Variants in TMTC1 observed in about 807,000 individuals in gnomAD.
The protein encoded by TMTC1 is protein O-mannosyl-transferase TMTC1.
Under a neutral mutation model 104.8 loss-of-function variants are expected in TMTC1, and 73 were observed. The observed-to-expected ratio is 0.70, with a 90% CI of 0.58 to 0.85. The LOEUF is 0.85. TMTC1 is among the 40% of genes least tolerant of loss of function. The pLI, the probability that TMTC1 is intolerant of heterozygous loss-of-function variation, is 0.00. For synonymous variants in TMTC1, 434 were observed against 428.7 expected (o/e 1.01, Z -0.15); for missense variants, 1,035 against 1,096.1 (o/e 0.94, Z 0.79).
intron 6 of TMTC1, among the ~76,000 whole-genome samples, chr12:29,623,620 C>T (rs1296968390): frequency 6.6e-6 from 1 of 152,152 alleles, no homozygotes; most frequent in Non-Finnish European, 1.5e-5. Context: ...TGAGACAAGC[C>T]TGGCCAACTT....
At chr12:29,752,695 T>A (rs187370952) in intron 4 of TMTC1, among the ~76,000 whole-genome samples, 2 of 151,880 alleles carry the variant, frequency 1.3e-5, no homozygotes, top group East Asian at 3.9e-4. Context: ...ATATCAACAC[T>A]GATATATCTC....
chr12:29,703,922 C>T (rs926807070), intron 5 of TMTC1, among the ~76,000 whole-genome samples: 1 of 152,202 alleles, frequency 6.6e-6, no homozygotes, highest in African/African-American at 2.4e-5. Context: ...CAAATCTCAT[C>T]TTGAATTGTA....
chr12:29,556,215 T>A (rs575755615), intron 10 of TMTC1, among the ~76,000 whole-genome samples: 60 of 151,960 alleles, frequency 3.9e-4, no homozygotes, highest in African/African-American at 1.4e-3. Flanking sequence ...ACTATCAACC[T>A]TTATCAGGGC....
At chr12:29,694,571 C>T (rs915943718) in intron 5 of TMTC1, among the ~76,000 whole-genome samples, 12 of 151,036 alleles carry the variant, frequency 7.9e-5, no homozygotes, top group Admixed American at 5.3e-4. Context: ...GTGAAATCCA[C>T]GGATATGGAA....
At chr12:29,748,048 A>T (rs1207890696) in intron 5 of TMTC1, among the ~76,000 whole-genome samples, 1 of 152,210 alleles carries the variant, frequency 6.6e-6, no homozygotes, top group African/African-American at 2.4e-5. Flanking sequence ...ACAGTAATCA[A>T]ATATATACTC....
intron 8 of TMTC1, among the ~76,000 whole-genome samples, chr12:29,577,195 A>G (rs1945848483): frequency 6.6e-6 from 1 of 152,120 alleles, no homozygotes; most frequent in Admixed American, 6.5e-5. Context: ...TTAACCTGTT[A>G]GGGGAGCCAG....
At chr12:29,600,119 T>TAA (rs576864128) in intron 7 of TMTC1, among the ~76,000 whole-genome samples, 15 of 139,928 alleles carry the variant, frequency 1.1e-4, no homozygotes, top group Admixed American at 5.0e-4. Context: ...ATTCCTGGGT[T>TAA]AAAAAAAAAA....
At chr12:29,695,793 T>A (rs12810215) in intron 5 of TMTC1, among the ~76,000 whole-genome samples, 7,327 of 82,522 alleles carry the variant, frequency 0.089, 437 homozygotes, top group Middle Eastern at 0.15. Flanking sequence ...TACTTCCTTT[T>A]TATATATATA....
intron 5 of TMTC1, among the ~76,000 whole-genome samples, chr12:29,659,378 A>G (rs2136636007): frequency 6.6e-6 from 1 of 152,252 alleles, no homozygotes; most frequent in Admixed American, 6.5e-5. Context: ...CCTTGGAGGT[A>G]AGTTCTTGCT....
chr12:29,710,899 TATATTAATAATATATAA>T (rs1310435356), intron 5 of TMTC1, among the ~76,000 whole-genome samples: 7 of 63,706 alleles, frequency 1.1e-4, no homozygotes, highest in African/African-American at 4.4e-4. Context: ...AATATATAAA[TATATTAATAATATATAA>T]ATATATATAA....
chr12:29,600,766 C>T (rs1298746590), intron 7 of TMTC1, among the ~76,000 whole-genome samples: 1 of 152,152 alleles, frequency 6.6e-6, no homozygotes, highest in Admixed American at 6.6e-5. Context: ...TCCGGTGGCT[C>T]TGGCATCTGC....
chr12:29,610,159 C>A (rs770891791), intron 6 of TMTC1, among the ~76,000 whole-genome samples: 1 of 152,146 alleles, frequency 6.6e-6, no homozygotes, highest in Non-Finnish European at 1.5e-5. Context: ...GATTGACCAG[C>A]GAGTGAAAAC....
intron 7 of TMTC1, among the ~76,000 whole-genome samples, chr12:29,594,320 C>T (rs1488913157): frequency 1.3e-5 from 2 of 152,238 alleles, no homozygotes; most frequent in Non-Finnish European, 2.9e-5. Flanking sequence ...GAAGCAAAGG[C>T]ATACTGGGTA....
intron 9 of TMTC1, among the ~76,000 whole-genome samples, chr12:29,562,554 T>G (rs1945403213): frequency 6.6e-6 from 1 of 152,210 alleles, no homozygotes; most frequent in Non-Finnish European, 1.5e-5. Flanking sequence ...TCTCAGAGGC[T>G]TGGGGTGAAC....
chr12:29,513,926 A>G (rs1943910548), intron 16 of TMTC1, among the ~76,000 whole-genome samples: 1 of 152,180 alleles, frequency 6.6e-6, no homozygotes, highest in South Asian at 2.1e-4. Context: ...GACGGACCTA[A>G]TAATACAATG....
intron 4 of TMTC1, among the ~76,000 whole-genome samples, chr12:29,754,208 G>A (rs17734907): frequency 0.017 from 2,531 of 150,354 alleles, 43 homozygotes; most frequent in Middle Eastern, 0.084. Flanking sequence ...CCCAGACTGA[G>A]CTGCGGGACT....
intron 5 of TMTC1, among the ~76,000 whole-genome samples, chr12:29,679,238 T>A (rs2136707952): frequency 6.6e-6 from 1 of 152,250 alleles, no homozygotes; most frequent in Middle Eastern, 3.4e-3. Context: ...AATGTATATA[T>A]GTACAACAAC....
rs200880449 is a variant in TMTC1, at chr12:29,514,540, A to C, written c.2372T>G (p.Leu791Arg). Residue 791 changes from leucine (L) to arginine (R), a missense_variant, in exon 16 of 18, where the codon CTT becomes CGT. By Grantham distance (102) the Leu-to-Arg change is moderately radical (BLOSUM62 -2). Transcript: ENST00000539277. ...KPKDPKVISELFFTKGNQLRE... is the reference protein window; with the variant it reads ...KPKDPKVISERFFTKGNQLRE... ...TAATTGGTTTCCTTTTGTGAAAAAAAGTTCAGAAATGACTTTTGGGTCCTT... is the reference window on the plus strand; with the variant it reads ...TAATTGGTTTCCTTTTGTGAAAAAACGTTCAGAAATGACTTTTGGGTCCTT... 30 of 1,613,984 alleles carry C rather than the reference A, an allele frequency of 1.9e-5. No individual in the cohort carries two copies. The highest frequency in any genetic ancestry group is 8.5e-7 in the Non-Finnish European group (1 of 1,179,996).
At chr12:29,558,842 C>T (rs1005281695) in intron 9 of TMTC1, among the ~76,000 whole-genome samples, 2 of 152,170 alleles carry the variant, frequency 1.3e-5, no homozygotes, top group African/African-American at 4.8e-5. Context: ...AGATATGAGG[C>T]TATGATGAGG....
Sources: allele counts gnomAD v4.1 joint callset (sites outside exome capture counted in the v4.1 genomes callset), GRCh38; gene constraint gnomAD v4.1.1; transcripts MANE v1.5; gene names NCBI Gene and HGNC (gene_info 2026-07-23, HGNC 2026-07-21).